Variants in CEP85L observed in about 807,000 individuals in gnomAD.
The protein encoded by CEP85L is centrosomal protein 85L, also known as centrosomal protein of 85 kDa-like.
In CEP85L, 60 loss-of-function variants were observed where a neutral mutation model predicts 100.3. The ratio of observed to expected loss-of-function variants is 0.60; its 90% CI spans 0.49 to 0.74. CEP85L has a LOEUF of 0.74. Among genes scored for constraint, CEP85L ranks in the 30% least tolerant of loss-of-function variants. The pLI is 0.00. For missense variants in CEP85L, 973 were observed against 936.2 expected, an observed-to-expected ratio of 1.04 and a Z score of -0.51; for synonymous variants, 319 against 322.7, an observed-to-expected ratio of 0.99 and a Z score of 0.12.
intron 4 of CEP85L, among the ~76,000 whole-genome samples, chr6:118,516,242 A>G (rs1776269496): frequency 6.6e-6 from 1 of 152,198 alleles, no homozygotes; most frequent in South Asian, 2.1e-4. Context: ...TAGGAGAATG[A>G]TTTATAATCC....
At chr6:118,555,076 G>A (rs1426032620) in intron 3 of CEP85L, among the ~76,000 whole-genome samples, 1 of 152,126 alleles carries the variant, frequency 6.6e-6, no homozygotes, top group Non-Finnish European at 1.5e-5. Flanking sequence ...TGTTCAAATA[G>A]GAATTACCAA....
chr6:118,628,199 T>C (rs1370303137), intron 2 of CEP85L, among the ~76,000 whole-genome samples: 3 of 151,396 alleles, frequency 2.0e-5, no homozygotes, highest in East Asian at 1.9e-4. Flanking sequence ...TTTGAAGAAA[T>C]AGAGCAAGCT....
At chr6:118,514,605 T>C (rs1390447364) in intron 4 of CEP85L, among the ~76,000 whole-genome samples, 3 of 149,076 alleles carry the variant, frequency 2.0e-5, no homozygotes, top group South Asian at 2.1e-4. Flanking sequence ...AACATGTAAA[T>C]GGTTTAGATA....
intron 2 of CEP85L, among the ~76,000 whole-genome samples, chr6:118,575,548 C>T (rs560251301): frequency 2.0e-5 from 3 of 152,268 alleles, no homozygotes; most frequent in South Asian, 2.1e-4. Flanking sequence ...CACCTTCCCC[C>T]GCCAAACACC....
In CEP85L at chr6:118,486,870, T is replaced by A. The variant is rs546356114; in HGVS notation, c.1438-3012A>T. 1.4e-4 allele frequency among the ~76,000 whole-genome samples: 22 copies of A among 152,270 alleles called. No individual in the cohort carries two copies. The South Asian group carries it at 4.6e-3, about 32-fold the overall frequency. Reference sequence around the variant, plus strand: ...GATCTCTCTCTCTCTCATTGTTTTTTCCCTAGTCTACCTTACTGCTTTCTC... The same window carrying A: ...GATCTCTCTCTCTCTCATTGTTTTTACCCTAGTCTACCTTACTGCTTTCTC... On this transcript the variant is annotated intron_variant, in intron 6 of 12. Transcript: ENST00000368491.
intron 10 of CEP85L, among the ~76,000 whole-genome samples, chr6:118,477,243 A>C (rs1348260630): frequency 6.6e-6 from 1 of 152,190 alleles, no homozygotes; most frequent in Admixed American, 6.5e-5. Context: ...TGAAAAAAAC[A>C]GTAGATAAAT....
At chr6:118,494,083 G>T (rs929566477) in intron 5 of CEP85L, among the ~76,000 whole-genome samples, 26 of 152,318 alleles carry the variant, frequency 1.7e-4, no homozygotes, top group African/African-American at 6.3e-4. Flanking sequence ...TGGAAAAAAA[G>T]GATAGGTAGA....
chr6:118,628,691 T>C (rs1773960869), intron 2 of CEP85L, among the ~76,000 whole-genome samples: 1 of 151,986 alleles, frequency 6.6e-6, no homozygotes, highest in Non-Finnish European at 1.5e-5. Context: ...TATCCAAGAA[T>C]TGTGGGACAA....
intron 1 of CEP85L, among the ~76,000 whole-genome samples, chr6:118,648,359 C>T (rs1251464913): frequency 4.6e-5 from 7 of 152,148 alleles, no homozygotes; most frequent in African/African-American, 1.7e-4. Flanking sequence ...AAAGCGAAGG[C>T]TAAAAGTTCA....
At chr6:118,537,300 C>T (rs563717523) in intron 3 of CEP85L, among the ~76,000 whole-genome samples, 2 of 151,934 alleles carry the variant, frequency 1.3e-5, no homozygotes, top group Non-Finnish European at 2.9e-5. Context: ...ACAAAGTATG[C>T]CATCAAAGTA....
chr6:118,709,567 G>GAGAA (rs1777719066), intron 1 of CEP85L, among the ~76,000 whole-genome samples: 1 of 151,790 alleles, frequency 6.6e-6, no homozygotes, highest in African/African-American at 2.4e-5. Flanking sequence ...GAGAGAGAGA[G>GAGAA]AGAGAGAGAG....
chr6:118,486,807 C>T (rs950405786), intron 6 of CEP85L, among the ~76,000 whole-genome samples: 2 of 152,052 alleles, frequency 1.3e-5, no homozygotes, highest in Non-Finnish European at 2.9e-5. Flanking sequence ...CCAACCCTTC[C>T]CGAACTTGCT....
chr6:118,490,316 A>G (rs1205512124), intron 6 of CEP85L, among the ~76,000 whole-genome samples: 2 of 152,238 alleles, frequency 1.3e-5, no homozygotes, highest in Non-Finnish European at 2.9e-5. Context: ...ATTTGTTAAA[A>G]GGGTACATCT....
intron 1 of CEP85L, among the ~76,000 whole-genome samples, chr6:118,697,433 G>A (rs1172414973): frequency 1.3e-5 from 2 of 152,096 alleles, no homozygotes; most frequent in African/African-American, 4.8e-5. Context: ...TCTCTTGCTG[G>A]AAAAATCAAG....
At chr6:118,527,992 A>G (rs1283600239) in intron 3 of CEP85L, among the ~76,000 whole-genome samples, 1 of 152,074 alleles carries the variant, frequency 6.6e-6, no homozygotes, top group Non-Finnish European at 1.5e-5. Flanking sequence ...TAGATTCTCT[A>G]TTTCCAATGA....
chr6:118,485,723 A>G (rs1157876670), intron 6 of CEP85L, among the ~76,000 whole-genome samples: 1 of 152,238 alleles, frequency 6.6e-6, no homozygotes, highest in East Asian at 1.9e-4. Context: ...CTGAAAATCA[A>G]CTTTCTTTCA....
At chr6:118,474,112 T>C (rs555779290) in intron 10 of CEP85L, among the ~76,000 whole-genome samples, 3 of 152,164 alleles carry the variant, frequency 2.0e-5, no homozygotes, top group East Asian at 1.9e-4. Context: ...CTCAATGAAA[T>C]TGGTGAATAT....
chr6:118,472,341 C>T (rs1478089872), intron 10 of CEP85L, among the ~76,000 whole-genome samples: 1 of 152,010 alleles, frequency 6.6e-6, no homozygotes, highest in Non-Finnish European at 1.5e-5. Context: ...AATCAGATTT[C>T]TCATATGTTG....
chr6:118,586,796 T>C (rs1419643328), intron 2 of CEP85L, among the ~76,000 whole-genome samples: 3 of 152,230 alleles, frequency 2.0e-5, no homozygotes, highest in Non-Finnish European at 4.4e-5. Context: ...GAACTTCTTT[T>C]TGGTGGAAAT....
Sources: gnomAD v4.1 joint callset for allele counts (sites outside exome capture counted in the v4.1 genomes callset) on GRCh38, gnomAD v4.1.1 for gene constraint, MANE v1.5 for transcripts, NCBI Gene and HGNC (gene_info 2026-07-23, HGNC 2026-07-21) for gene names.